NEIL3: variants seen among roughly 807,000 people sequenced by gnomAD.
NEIL3 encodes endonuclease 8-like 3.
Under a neutral mutation model 57.5 loss-of-function variants are expected in NEIL3, and 48 were observed. The observed-to-expected ratio is 0.83, with a 90% CI of 0.66 to 1.06. NEIL3 has a LOEUF of 1.06. Ranked by LOEUF, NEIL3 falls within the 50% of genes least tolerant of loss-of-function variation. The pLI, the probability that NEIL3 is intolerant of heterozygous loss-of-function variation, is 0.00. For synonymous variants in NEIL3, 261 were observed against 253.2 expected, an observed-to-expected ratio of 1.03 and a Z score of -0.29; for missense variants, 717 against 739.1, an observed-to-expected ratio of 0.97 and a Z score of 0.35.
At chr4:177,317,937 G>A (rs377046161) in intron 1 of NEIL3, among the ~76,000 whole-genome samples, 3 of 152,108 alleles carry the variant, frequency 2.0e-5, no homozygotes, top group East Asian at 3.9e-4. Context: ...CAGTAGGTTT[G>A]CAGATATAGA....
Position 177,335,701 on chromosome 4 carries a change from AT to A in NEIL3, c.293del (p.Met98ArgfsTer6). 1.2e-6 allele frequency: 2 copies of A among 1,609,226 alleles called. No homozygotes were observed. Among genetic ancestry groups the A allele is most frequent in the Non-Finnish European group, 1.7e-6 (2 of 1,178,112 alleles). On this transcript the variant is annotated frameshift_variant, in exon 3 of 10. Transcript: ENST00000264596. LOFTEE classifies it high-confidence loss of function. ...ATTTTGTTTCAGGATTCATTTCGGAATGAAAGGCTTCATCATGATTAATCCA... is the reference window on the plus strand; with the variant it reads ...ATTTTGTTTCAGGATTCATTTCGGAAGAAAGGCTTCATCATGATTAATCCA... ...GPKALRIHFG[M>X]KGFIMINPLE...
chr4:177,360,428 C>T, intron 8 of NEIL3, 75 bp from the exon 9 acceptor site: 1 of 1,037,034 alleles, frequency 9.6e-7, no homozygotes, highest in Non-Finnish European at 1.4e-6. Context: ...GAAATTCTGA[C>T]ATGTGGGGGT....
At chr4:177,352,464 G>A (rs1047726746) in intron 7 of NEIL3, among the ~76,000 whole-genome samples, 2 of 152,146 alleles carry the variant, frequency 1.3e-5, no homozygotes, top group African/African-American at 2.4e-5. Flanking sequence ...ACATCTTAAT[G>A]ATAATATAGA....
chr4:177,321,394 A>C (rs1282573242), intron 1 of NEIL3, among the ~76,000 whole-genome samples: 3 of 152,134 alleles, frequency 2.0e-5, no homozygotes, highest in Non-Finnish European at 4.4e-5. Context: ...GCATGTCTTA[A>C]GTTTTACATT....
At chr4:177,366,919 T>C (rs1204820729), downstream of NEIL3, among the ~76,000 whole-genome samples, 1 of 152,240 alleles carries the variant, frequency 6.6e-6, no homozygotes, top group East Asian at 1.9e-4. Flanking sequence ...TCATCTCCAC[T>C]CTACTATTGA....
intron 8 of NEIL3, among the ~76,000 whole-genome samples, chr4:177,358,614 A>G (rs940159261): frequency 1.3e-5 from 2 of 152,224 alleles, no homozygotes; most frequent in East Asian, 1.9e-4. Flanking sequence ...GCCTGTGGCT[A>G]TGTTTTTAAT....
chr4:177,340,292 T>G (rs563911879), intron 5 of NEIL3, among the ~76,000 whole-genome samples: 1 of 152,334 alleles, frequency 6.6e-6, no homozygotes, highest in South Asian at 2.1e-4. Context: ...TAACTTTATT[T>G]AAGTTTAGTT....
chr4:177,357,779 G>T (rs762067814), intron 8 of NEIL3, among the ~76,000 whole-genome samples: 1 of 152,078 alleles, frequency 6.6e-6, no homozygotes, highest in Non-Finnish European at 1.5e-5. Context: ...AACTTAGACC[G>T]TAAGACCAGC....
intron 6 of NEIL3, among the ~76,000 whole-genome samples, chr4:177,346,644 A>G (rs904582567): frequency 3.9e-5 from 6 of 152,216 alleles, no homozygotes; most frequent in Admixed American, 3.9e-4. Flanking sequence ...GTGATGGCGA[A>G]TACTACCAGA....
chr4:177,342,798 G>A (rs1251685249), intron 6 of NEIL3, among the ~76,000 whole-genome samples: 2 of 152,370 alleles, frequency 1.3e-5, no homozygotes, highest in South Asian at 4.1e-4. Context: ...ATGGTGGAGG[G>A]ATGATGAGAA....
intron 1 of NEIL3, among the ~76,000 whole-genome samples, chr4:177,312,856 C>G (rs994701785): frequency 2.0e-5 from 3 of 151,460 alleles, no homozygotes; most frequent in African/African-American, 7.3e-5. Flanking sequence ...TTTTCTGGGA[C>G]TTTGATCTGA....
chr4:177,354,238 G>A (rs1190902840), intron 8 of NEIL3: 3 of 139,612 alleles, frequency 2.1e-5, no homozygotes, highest in Admixed American at 1.5e-4. Context: ...TTTCCTACAT[G>A]TATGAAAAGT....
chr4:177,335,614 A>T, intron 2 of NEIL3, 74 bp from the exon 3 acceptor site: 2 of 1,411,452 alleles, frequency 1.4e-6, no homozygotes, highest in Non-Finnish European at 2.0e-6. Flanking sequence ...CCAAAAAAAA[A>T]ATGATAGTAC....
rs573060622 is a variant in NEIL3, at chr4:177,340,133, A to G, written c.702+276A>G. On this transcript the variant is annotated intron_variant, in intron 5 of 9. Transcript: ENST00000264596. ...TCACAGACTCTTTTTCTATTTTTGG[A>G]TACATAAAATATAGAAAGTCTAGAG... Among the ~76,000 whole-genome samples, 39 of 152,266 alleles carry G rather than the reference A, an allele frequency of 2.6e-4. 1 individual carries two copies. Among genetic ancestry groups the G allele is most frequent in the African/African-American group, 9.1e-4 (38 of 41,556 alleles).
the NEIL3 span, among the ~76,000 whole-genome samples, chr4:177,369,685 C>T: frequency 5.9e-5 from 9 of 152,092 alleles, no homozygotes; most frequent in East Asian, 1.9e-4. Flanking sequence ...AGTCAGACTG[C>T]CGGTCCCAAG....
chr4:177,362,670 T>C lies in NEIL3; in HGVS notation c.*199T>C. 1 of 446,606 alleles carries C rather than the reference T, an allele frequency of 2.2e-6. No individual in the cohort carries two copies. The highest frequency in any genetic ancestry group is 3.9e-6 in the Non-Finnish European group (1 of 253,166). The allele number at this position is 446,606 out of a possible 1,614,324, so 27.7% of individuals were successfully genotyped here. A position where few individuals can be genotyped will look rare whatever the true frequency, so the allele number is the denominator to read the frequency against. On this transcript the variant is annotated 3_prime_UTR_variant, in exon 10 of 10. Transcript: ENST00000264596. ...TTTTCTTTTGCCTTGATGAACGTTC[T>C]ATGTATTTCATCGGATATACAGCAT...
At chr4:177,335,565 A>G in intron 2 of NEIL3, 123 bp from the exon 3 acceptor site, 1 of 750,722 alleles carries the variant, frequency 1.3e-6, no homozygotes, top group East Asian at 2.7e-5. Flanking sequence ...TCTGCCCTTT[A>G]AAAGTGTCTA....
At chr4:177,325,861 T>C (rs1290675012) in intron 2 of NEIL3, among the ~76,000 whole-genome samples, 1 of 152,108 alleles carries the variant, frequency 6.6e-6, no homozygotes, top group African/African-American at 2.4e-5. Context: ...TAGGGTGATG[T>C]GTCTATTAAT....
Position 177,362,363 on chromosome 4 carries a change from T to C in NEIL3, c.1710T>C (p.Pro570=). ...TGAAAACAGTATTGAAGATTGGACCTAACAATGGAAAGAATTTTTTTGTGT... is the reference window on the plus strand; with the variant it reads ...TGAAAACAGTATTGAAGATTGGACCCAACAATGGAAAGAATTTTTTTGTGT... ...STMKTVLKIG[P]NNGKNFFVCP... The change falls in exon 10 of 10, where the codon CCT becomes CCC. Residue 570 remains proline, a synonymous_variant. Coordinates refer to ENST00000264596, the MANE Select transcript of NEIL3 (RefSeq NM_018248.3). The C allele has an allele frequency of 6.2e-7, 1 of 1,613,794 alleles. No individual in the cohort carries two copies. Among genetic ancestry groups the C allele is most frequent in the Non-Finnish European group, 8.5e-7 (1 of 1,179,844 alleles).
Sources: gnomAD v4.1 joint callset for allele counts (sites outside exome capture counted in the v4.1 genomes callset) on GRCh38, gnomAD v4.1.1 for gene constraint, MANE v1.5 for transcripts, NCBI Gene and HGNC (gene_info 2026-07-23, HGNC 2026-07-21) for gene names.